Variants in TEX26 observed in about 807,000 individuals in gnomAD.
TEX26 encodes the protein testis expressed 26, also known as testis-expressed protein 26.
Under a neutral mutation model 35.3 loss-of-function variants are expected in TEX26, and 34 were observed. The ratio of observed to expected loss-of-function variants is 0.96; its 90% CI spans 0.73 to 1.28. The LOEUF (loss-of-function observed/expected upper bound fraction) is 1.28. TEX26 is among the 50% of genes most tolerant of loss of function. The pLI is 0.00. For synonymous variants in TEX26, 136 were observed against 111.8 expected (o/e 1.22, Z -1.36); for missense variants, 371 against 330.1 (o/e 1.12, Z -0.96).
intron 3 of TEX26, among the ~76,000 whole-genome samples, chr13:30,956,258 A>G (rs938443133): frequency 1.4e-5 from 2 of 147,240 alleles, no homozygotes; most frequent in South Asian, 2.2e-4. Flanking sequence ...GAGTGAGAAC[A>G]TGCGGTGTTT....
In TEX26 at chr13:30,956,855, T is replaced by G. The variant is rs1220250200; in HGVS notation, c.313-18T>G. ...GAACCCATATGGATTTTCTTGAAAA[T>G]TATGTTTGCTTTGATAGGACATTTT... is the stretch of plus-strand genomic sequence containing the variant. On this transcript the variant is annotated intron_variant, in intron 3 of 6. Transcript: ENST00000380473. The G allele has an allele frequency of 6.2e-7, 1 of 1,611,346 alleles. No individual in the cohort carries two copies.
At chr13:30,969,794 T>C (rs557433127) in intron 6 of TEX26, among the ~76,000 whole-genome samples, 4 of 152,302 alleles carry the variant, frequency 2.6e-5, no homozygotes, top group Non-Finnish European at 4.4e-5. Flanking sequence ...ACTAAACTAA[T>C]GTATCACATA....
rs1954153008 is a variant in TEX26 at position 30,956,886 on chromosome 13, G to A, written c.326G>A (p.Trp109Ter). ...TTGCTTTGATAGGACATTTTCCTGTGGACACTACCTCACTGTCAACAAACG... is the reference window on the plus strand; with the variant it reads ...TTGCTTTGATAGGACATTTTCCTGTAGACACTACCTCACTGTCAACAAACG... ...KSHLNEDIFLWTLPHCQQTGT... is the reference protein window; with the variant it reads ...KSHLNEDIFL Residue 109 changes from tryptophan to a stop codon, truncating the protein, a stop_gained, in exon 4 of 7, where the codon TGG (tryptophan) becomes TAG (stop). Transcript: ENST00000380473. LOFTEE classifies it high-confidence loss of function. 6.2e-7 allele frequency: 1 copy of A among 1,613,938 alleles called. No individual in the cohort carries two copies. Among genetic ancestry groups the A allele is most frequent in the Non-Finnish European group, 8.5e-7 (1 of 1,179,902 alleles).
intron 5 of TEX26, among the ~76,000 whole-genome samples, chr13:30,968,428 C>T (rs1036640029): frequency 2.0e-5 from 3 of 152,158 alleles, no homozygotes; most frequent in Non-Finnish European, 4.4e-5. Flanking sequence ...GTGCAGATTC[C>T]CTGTGGATGC....
intron 1 of TEX26, among the ~76,000 whole-genome samples, chr13:30,937,776 T>C (rs1376378457): frequency 1.3e-5 from 2 of 152,190 alleles, no homozygotes; most frequent in Non-Finnish European, 2.9e-5. Flanking sequence ...TAAGGGGCTC[T>C]TAAGTGGAGG....
At chr13:30,960,734 C>T (rs552576501) in intron 4 of TEX26, among the ~76,000 whole-genome samples, 25 of 152,274 alleles carry the variant, frequency 1.6e-4, no homozygotes, top group African/African-American at 5.8e-4. Flanking sequence ...TCAGCATTTT[C>T]ATCTGTTTCT....
At chr13:30,944,538 G>A (rs977148704) in intron 2 of TEX26, among the ~76,000 whole-genome samples, 1 of 151,934 alleles carries the variant, frequency 6.6e-6, no homozygotes, top group African/African-American at 2.4e-5. Context: ...AAATTAGGTT[G>A]TCAATTTGTG....
intron 4 of TEX26, among the ~76,000 whole-genome samples, chr13:30,962,673 G>A (rs1216252386): frequency 1.3e-5 from 2 of 152,222 alleles, no homozygotes; most frequent in African/African-American, 2.4e-5. Flanking sequence ...TAAGGTAAAC[G>A]ACTGAGGAGC....
chr13:30,950,724 A>T (rs1476854303), intron 2 of TEX26, among the ~76,000 whole-genome samples: 1 of 152,200 alleles, frequency 6.6e-6, no homozygotes, highest in Non-Finnish European at 1.5e-5. Context: ...CACTCTATAG[A>T]AATACACATG....
chr13:30,946,718 C>T (rs191771368), intron 2 of TEX26, among the ~76,000 whole-genome samples: 89 of 151,982 alleles, frequency 5.9e-4, no homozygotes, highest in Non-Finnish European at 1.2e-3. Context: ...GCATAAGTTC[C>T]TTGGTTATAG....
chr13:30,953,220 G>A (rs1050258034), intron 3 of TEX26, among the ~76,000 whole-genome samples: 6 of 151,988 alleles, frequency 3.9e-5, no homozygotes, highest in African/African-American at 4.8e-5. Flanking sequence ...ACTCCCCACC[G>A]TCTGCTTTCT....
At chr13:30,960,786 T>C (rs1166151942) in intron 4 of TEX26, among the ~76,000 whole-genome samples, 1 of 152,250 alleles carries the variant, frequency 6.6e-6, no homozygotes, top group Non-Finnish European at 1.5e-5. Context: ...AATGGTCTAA[T>C]GAAAATTTGA....
At position 30,951,927 on chromosome 13, in the gene TEX26, A is replaced by G. The variant is rs1331773065; in HGVS notation, c.147-733A>G. 4.8e-5 allele frequency among the ~76,000 whole-genome samples: 6 copies of G among 123,896 alleles called. 1 individual carries two copies. The highest frequency in any genetic ancestry group is 2.3e-4 in the East Asian group (1 of 4,268). The allele number at this position is 123,896 out of a possible 152,430, so 81.3% of individuals were successfully genotyped here. ...CTCTTACCTCATTTAATCTTTAAAA[A>G]AAAAGAGAGAAAGAGAACTTTTTTT... On this transcript the variant is annotated intron_variant, in intron 2 of 6. Coordinates refer to ENST00000380473, the MANE Select transcript of TEX26 (RefSeq NM_152325.3).
intron 2 of TEX26, among the ~76,000 whole-genome samples, chr13:30,941,253 AG>A (rs2138189024): frequency 6.6e-6 from 1 of 152,336 alleles, no homozygotes; most frequent in African/African-American, 2.4e-5. Flanking sequence ...ATTTCCAAAA[AG>A]TACAAGGCTA....
At chr13:30,946,653 G>A (rs1036008283) in intron 2 of TEX26, among the ~76,000 whole-genome samples, 4 of 151,636 alleles carry the variant, frequency 2.6e-5, no homozygotes, top group Non-Finnish European at 5.9e-5. Flanking sequence ...TGACCTTAAT[G>A]TTTACAGTTT....
chr13:30,966,186 GAGTA>G, intron 4 of TEX26, 32 bp from the exon 5 acceptor site: 1 of 1,612,150 alleles, frequency 6.2e-7, no homozygotes, highest in Middle Eastern at 1.7e-4. Flanking sequence ...TGTTCACAAG[GAGTA>G]AGTATTGCCT....
At chr13:30,941,448 T>G (rs1169607717) in intron 2 of TEX26, among the ~76,000 whole-genome samples, 1 of 152,222 alleles carries the variant, frequency 6.6e-6, no homozygotes, top group African/African-American at 2.4e-5. Flanking sequence ...ATGTTTGAAT[T>G]TATATATTTA....
In TEX26 at chr13:30,932,783, C is replaced by T. The variant is rs769560292; in HGVS notation, c.61+7C>T. 14 of 1,613,736 alleles carry T rather than the reference C, an allele frequency of 8.7e-6. 1 individual carries two copies. The highest frequency in any genetic ancestry group is 1.6e-4 in the Middle Eastern group (1 of 6,084). ...CACCACAACCTCCAGCCAAGTAAGA[C>T]AGCAGACTCTGCCGGTCTGCGGGGC... On this transcript the variant is annotated splice_region_variant and intron_variant, in intron 1 of 6. Coordinates refer to ENST00000380473, the MANE Select transcript of TEX26 (RefSeq NM_152325.3).
intron 1 of TEX26, chr13:30,936,747 G>A: frequency 5.1e-6 from 5 of 985,384 alleles, no homozygotes; most frequent in Non-Finnish European, 6.0e-6. Flanking sequence ...AGGAGGAACA[G>A]AAAATGAGAG....
Sources: gnomAD v4.1 joint callset for allele counts (sites outside exome capture counted in the v4.1 genomes callset) on GRCh38, gnomAD v4.1.1 for gene constraint, MANE v1.5 for transcripts, NCBI Gene and HGNC (gene_info 2026-07-23, HGNC 2026-07-21) for gene names.